DCP1B: variants seen among roughly 807,000 people sequenced by gnomAD.
DCP1B encodes mRNA-decapping enzyme 1B.
In DCP1B, 47 loss-of-function variants were observed where a neutral mutation model predicts 60.5. The ratio of observed to expected loss-of-function variants is 0.78; its 90% confidence interval spans 0.61 to 0.99. DCP1B has a LOEUF of 0.99. Among genes scored for constraint, DCP1B ranks in the 50% least tolerant of loss-of-function variants. The probability of loss-of-function intolerance (pLI) is 0.00; values close to 1 mark genes in which losing one functional copy is unlikely to be tolerated. For missense variants in DCP1B, 725 were observed against 756.8 expected (o/e 0.96, Z 0.49); for synonymous variants, 267 against 280.3 (o/e 0.95, Z 0.47).
chr12:1,953,868 T>C (rs1164703787), intron 6 of DCP1B, among the ~76,000 whole-genome samples: 2 of 152,238 alleles, frequency 1.3e-5, no homozygotes, highest in African/African-American at 4.8e-5. Flanking sequence ...TTACTTCTGT[T>C]GCTTTCTGCA....
chr12:1,997,978 A>G lies in DCP1B; in HGVS notation c.151-3T>C. ...GTTCCTTCCACATCAGTTTTCTCCT[A>G]AACAATAAAAACAAAACACACAAGA... On this transcript the variant is annotated splice_region_variant and splice_polypyrimidine_tract_variant and intron_variant, in intron 1 of 8. Coordinates refer to ENST00000280665, the MANE Select transcript of DCP1B (RefSeq NM_152640.5). 1 of 1,607,842 alleles carries G rather than the reference A, an allele frequency of 6.2e-7. No individual in the cohort carries two copies. Among genetic ancestry groups the G allele is most frequent in the African/African-American group, 1.3e-5 (1 of 74,684 alleles).
chr12:1,953,303 G>A lies in DCP1B; in HGVS notation c.652-15C>T, dbSNP rs1435277551. 1 of 1,550,194 alleles carries A rather than the reference G, an allele frequency of 6.5e-7. No individual in the cohort carries two copies. Among genetic ancestry groups the A allele is most frequent in the South Asian group, 1.2e-5 (1 of 83,156 alleles). ...GGGTCTAAGGTCTGGAAAAAATAAA[G>A]ATATCTGACATGAGTCTACAAACAA... On this transcript the variant is annotated splice_polypyrimidine_tract_variant and intron_variant, in intron 6 of 8. Coordinates refer to ENST00000280665, the MANE Select transcript of DCP1B (RefSeq NM_152640.5).
chr12:1,944,847 G>C (rs1040034749), downstream of DCP1B, among the ~76,000 whole-genome samples: 5 of 152,138 alleles, frequency 3.3e-5, no homozygotes, highest in African/African-American at 1.2e-4. Flanking sequence ...GAAAACCTAG[G>C]CAATACCGTT....
chr12:1,980,275 C>T (rs1000765639), intron 3 of DCP1B, among the ~76,000 whole-genome samples: 2 of 152,166 alleles, frequency 1.3e-5, no homozygotes, highest in South Asian at 2.1e-4. Flanking sequence ...GAGTACTACA[C>T]AGAATAAAAA....
intron 1 of DCP1B, 82 bp downstream of exon 1, chr12:2,004,200 C>G: frequency 6.4e-7 from 1 of 1,571,248 alleles, no homozygotes; most frequent in Non-Finnish European, 8.6e-7. Context: ...CTCCCCCTCA[C>G]CGGGTCCTCA....
chr12:1,958,586 C>T lies in DCP1B; in HGVS notation c.523-3026G>A, dbSNP rs1186337213. The stretch of plus-strand genomic sequence containing the variant: ...AGAAGACAGGGGAAAAGCTCCCTAA[C>T]GTCGCTCTGGGCAATGACTTTTTCT... On this transcript the variant is annotated intron_variant, in intron 5 of 8. Transcript: ENST00000280665. 4.0e-5 allele frequency among the ~76,000 whole-genome samples: 6 copies of T among 150,466 alleles called. No individual in the cohort carries two copies. The South Asian group carries it at 6.3e-4, about 16-fold the overall frequency.
intron 2 of DCP1B, among the ~76,000 whole-genome samples, chr12:1,996,741 G>A (rs1367086400): frequency 6.6e-6 from 1 of 151,058 alleles, no homozygotes; most frequent in Non-Finnish European, 1.5e-5. Context: ...TGTCCTATGG[G>A]CCGTGGGTTG....
intron 6 of DCP1B, among the ~76,000 whole-genome samples, chr12:1,953,581 T>C (rs995308045): frequency 1.3e-5 from 2 of 152,106 alleles, no homozygotes; most frequent in South Asian, 2.1e-4. Context: ...GGGAACCACC[T>C]TGGTAGGAAA....
chr12:1,961,708 A>G (rs1425803124), intron 5 of DCP1B, among the ~76,000 whole-genome samples: 2 of 152,222 alleles, frequency 1.3e-5, no homozygotes, highest in Non-Finnish European at 2.9e-5. Flanking sequence ...ATTTGACTGA[A>G]GAGACCTGGG....
chr12:1,974,673 T>A (rs1007683588), intron 3 of DCP1B, among the ~76,000 whole-genome samples: 4 of 152,132 alleles, frequency 2.6e-5, no homozygotes, highest in African/African-American at 9.7e-5. Context: ...TCCAAGCTAT[T>A]CATATTCTAG....
intron 3 of DCP1B, among the ~76,000 whole-genome samples, chr12:1,973,473 A>G (rs550647570): frequency 1.3e-5 from 2 of 152,366 alleles, no homozygotes; most frequent in East Asian, 1.9e-4. Flanking sequence ...CTCTCCAACT[A>G]TAAATGAGAA....
Position 1,973,222 on chromosome 12 carries a change from G to A in DCP1B, c.320-5312C>T, listed in dbSNP as rs2033102063. Among the ~76,000 whole-genome samples, 3 of 152,086 alleles carry A rather than the reference G, an allele frequency of 2.0e-5. No individual in the cohort carries two copies. The South Asian group carries it at 6.2e-4, about 32-fold the overall frequency. On this transcript the variant is annotated intron_variant, in intron 3 of 8. Transcript: ENST00000280665. ...GGTCTGCTTCTTTTCATATGACATGGTTTTACTGCACCTCACAAATCAGCG... is the reference window on the plus strand; with the variant it reads ...GGTCTGCTTCTTTTCATATGACATGATTTTACTGCACCTCACAAATCAGCG...
intron 8 of DCP1B, 44 bp from the exon 9 acceptor site, chr12:1,946,330 G>T: frequency 6.6e-7 from 1 of 1,514,900 alleles, no homozygotes; most frequent in Middle Eastern, 1.7e-4. Context: ...TACTTGGTTG[G>T]CAGACACAAA....
In DCP1B at chr12:1,948,365, C is replaced by G. The variant is rs117763115; in HGVS notation, c.1773+721G>C. ...CTGCTTATGTACGAGCTCCGTGCCTCAGGCCAGTTGCTCAGCCTCAGTTTC... is the reference window on the plus strand; with the variant it reads ...CTGCTTATGTACGAGCTCCGTGCCTGAGGCCAGTTGCTCAGCCTCAGTTTC... On this transcript the variant is annotated intron_variant, in intron 8 of 8. Transcript: ENST00000280665. This position sits in a 1 kb window ranked among gnomAD's most constrained non-coding sequence, Gnocchi z 4.8. 1.3e-5 allele frequency among the ~76,000 whole-genome samples: 2 copies of G among 152,328 alleles called. No individual in the cohort carries two copies. The highest frequency in any genetic ancestry group is 3.9e-4 in the East Asian group (2 of 5,182).
In DCP1B at chr12:1,967,896, T is replaced by C. The variant is rs1171056147; in HGVS notation, c.334A>G (p.Ile112Val). The C allele has an allele frequency of 6.2e-7, 1 of 1,612,942 alleles. No individual in the cohort carries two copies. The highest frequency in any genetic ancestry group is 8.5e-7 in the Non-Finnish European group (1 of 1,179,720). ...CATTCTTCCTTATCATAAAACCAAATTCCATAGATGGACACTGCAAAAAAC... is the reference window on the plus strand; with the variant it reads ...CATTCTTCCTTATCATAAAACCAAACTCCATAGATGGACACTGCAAAAAAC... ...YRNARLSIYG[I>V]WFYDKEECQR... The change falls in exon 4 of 9, where the codon ATT (isoleucine) becomes GTT (valine). Residue 112 changes from isoleucine to valine, a missense_variant. Coordinates refer to ENST00000280665, the MANE Select transcript of DCP1B (RefSeq NM_152640.5).
At position 1,988,616 on chromosome 12, in the gene DCP1B, G is replaced by A. The variant is rs374009108; in HGVS notation, c.319+4648C>T. ...GTAAAATGGATCCTTCATCCTTTGG[G>A]TTTATGTCTTTTTAATTTTTTTACT... On this transcript the variant is annotated intron_variant, in intron 3 of 8. Transcript: ENST00000280665. Among the ~76,000 whole-genome samples, 25 of 152,242 alleles carry A rather than the reference G, an allele frequency of 1.6e-4. No individual in the cohort carries two copies. The South Asian group carries it at 5.0e-3, about 30-fold the overall frequency.
intron 2 of DCP1B, 71 bp downstream of exon 2, chr12:1,997,864 G>T: frequency 8.0e-7 from 1 of 1,256,556 alleles, no homozygotes; most frequent in Non-Finnish European, 1.1e-6. Flanking sequence ...TGCACTTGAA[G>T]AAGAGTGACA....
intron 5 of DCP1B, among the ~76,000 whole-genome samples, chr12:1,958,993 A>G (rs1403443458): frequency 5.7e-5 from 8 of 140,012 alleles, no homozygotes; most frequent in South Asian, 2.4e-4. Flanking sequence ...CTGGGCAATG[A>G]CTTTTTCTAT....
intron 3 of DCP1B, among the ~76,000 whole-genome samples, chr12:1,973,287 G>A (rs2033132424): frequency 6.6e-6 from 1 of 152,146 alleles, no homozygotes; most frequent in African/African-American, 2.4e-5. Context: ...CAAAGCAGAT[G>A]AGAAGCAGTT....
Sources: allele counts gnomAD v4.1 joint callset (sites outside exome capture counted in the v4.1 genomes callset), GRCh38; gene constraint gnomAD v4.1.1; non-coding constraint Gnocchi (gnomAD v3.1); transcripts MANE v1.5; gene names NCBI Gene and HGNC (gene_info 2026-07-23, HGNC 2026-07-21).